Variants in HTR3B observed in about 807,000 individuals in gnomAD.
HTR3B encodes the protein 5-hydroxytryptamine receptor 3B, also known as 5-hydroxytryptamine (serotonin) receptor 3B, ionotropic.
In HTR3B, 44 loss-of-function variants were observed where a neutral mutation model predicts 42.8. The ratio of observed to expected loss-of-function variants is 1.03; its 90% confidence interval spans 0.81 to 1.32. The LOEUF is 1.32. HTR3B is among the 40% of genes most tolerant of loss of function. The pLI is 0.00. For synonymous variants in HTR3B, 203 were observed against 209.0 expected (o/e 0.97, Z 0.25); for missense variants, 527 against 536.5 (o/e 0.98, Z 0.17).
chr11:113,900,959 C>T (rs1253979607), upstream of HTR3B, among the ~76,000 whole-genome samples: 10 of 152,084 alleles, frequency 6.6e-5, no homozygotes, highest in Non-Finnish European at 4.4e-5. Context: ...AATCTGCCCC[C>T]ATGATCCAAT....
intron 2 of HTR3B, among the ~76,000 whole-genome samples, chr11:113,930,818 G>A (rs1380649403): frequency 6.6e-6 from 1 of 152,014 alleles, no homozygotes; most frequent in African/African-American, 2.4e-5. Flanking sequence ...CTGTTTTGGG[G>A]GGTCTTTTAA....
intron 2 of HTR3B, among the ~76,000 whole-genome samples, chr11:113,925,066 T>C (rs1296755095): frequency 6.6e-6 from 1 of 152,226 alleles, no homozygotes; most frequent in Non-Finnish European, 1.5e-5. Flanking sequence ...GCAGAGCCAC[T>C]GTGTAGTCTC....
At chr11:113,905,496 GT>G (rs1467228414) in intron 1 of HTR3B, among the ~76,000 whole-genome samples, 1 of 152,134 alleles carries the variant, frequency 6.6e-6, no homozygotes, top group Non-Finnish European at 1.5e-5. Context: ...ATCTATATAG[GT>G]GATGAGTATA....
chr11:113,941,823 T>G (rs1341160822), intron 6 of HTR3B, among the ~76,000 whole-genome samples: 1 of 152,156 alleles, frequency 6.6e-6, no homozygotes, highest in East Asian at 1.9e-4. Flanking sequence ...TCTCTTCAGG[T>G]CTGGTCACCA....
At position 113,913,803 on chromosome 11, in the gene HTR3B, C is replaced by T. The variant is rs565446283; in HGVS notation, c.213+4348C>T. On this transcript the variant is annotated intron_variant, in intron 2 of 8. Transcript: ENST00000260191. ...GTGCTGGATTACAGGAGTGAGCCAC[C>T]ACGCCCGGCCTCCAAAATTTCATCT... Among the ~76,000 whole-genome samples, 38 of 152,250 alleles carry T rather than the reference C, an allele frequency of 2.5e-4. No homozygotes were observed. The South Asian group carries it at 7.7e-3, about 31-fold the overall frequency.
At chr11:113,924,291 TA>T (rs1270215937) in intron 2 of HTR3B, among the ~76,000 whole-genome samples, 2 of 152,068 alleles carry the variant, frequency 1.3e-5, no homozygotes, top group Non-Finnish European at 2.9e-5. Context: ...GGGTGAGACA[TA>T]ATCTATTTCA....
At chr11:113,909,519 C>A in intron 2 of HTR3B, 64 bp downstream of exon 2, 1 of 1,364,510 alleles carries the variant, frequency 7.3e-7, no homozygotes, top group Non-Finnish European at 1.0e-6. Flanking sequence ...GCAGTTCATG[C>A]AGGAGCCTAT....
At position 113,913,350 on chromosome 11, in the gene HTR3B, A is replaced by ATTTTTTTTTTTTTTTT. The variant is rs71063533; in HGVS notation, c.213+3912_213+3927dup. Among the ~76,000 whole-genome samples, 64 of 61,528 alleles carry ATTTTTTTTTTTTTTTT rather than the reference A, an allele frequency of 1.0e-3. 1 individual carries two copies. Among genetic ancestry groups the ATTTTTTTTTTTTTTTT allele is most frequent in the African/African-American group, 1.2e-3 (17 of 13,944 alleles). 40.4% of individuals were successfully genotyped at this position (61,528 alleles called of 152,430 possible). On this transcript the variant is annotated intron_variant, in intron 2 of 8. Transcript: ENST00000260191. ...AGGTGCCTGCCACCATGTCTGGCTA[A>ATTTTTTTTTTTTTTTT]TTTTTTTTTTTTTTTTTTTTTTTTT...
intron 2 of HTR3B, among the ~76,000 whole-genome samples, chr11:113,931,123 A>G (rs1025308449): frequency 6.6e-6 from 1 of 152,212 alleles, no homozygotes; most frequent in African/African-American, 2.4e-5. Flanking sequence ...AGTGGGAAAG[A>G]GATTAGCAAA....
rs1269927592 is a variant in HTR3B, at chr11:113,932,275, T to C, written c.369-14T>C. The C allele has an allele frequency of 6.3e-7, 1 of 1,599,982 alleles. No homozygotes were observed. Among genetic ancestry groups the C allele is most frequent in the African/African-American group, 1.3e-5 (1 of 74,418 alleles). On this transcript the variant is annotated splice_polypyrimidine_tract_variant and intron_variant, in intron 4 of 8. Transcript: ENST00000260191. ...TCCTCTCTGTGACAACAAGTTCTCT[T>C]GTGTTTCATATAGTGTGGACATTGA...
At position 113,948,378 on chromosome 11, in the gene HTR3B, A is replaced by G. The variant is rs779615831; in HGVS notation, c.*2241A>G. ...TCCTTCCCAACTATGTCTTAGAGAA[A>G]GCACCAGTGTCAGAGTCAGGAGTCC... On this transcript the variant is annotated 3_prime_UTR_variant, in exon 9 of 9. Transcript: ENST00000260191. Among the ~76,000 whole-genome samples the G allele has an allele frequency of 1.3e-5, 2 of 152,168 alleles. No homozygotes were observed. The highest frequency in any genetic ancestry group is 2.4e-5 in the African/African-American group (1 of 41,434).
upstream of HTR3B, among the ~76,000 whole-genome samples, chr11:113,902,333 G>A (rs557604753): frequency 9.9e-5 from 15 of 151,910 alleles, no homozygotes; most frequent in South Asian, 3.1e-3. Context: ...GTCTCATTCT[G>A]TCGCCCAGGC....
upstream of HTR3B, among the ~76,000 whole-genome samples, chr11:113,900,362 C>T (rs1389928183): frequency 6.6e-6 from 1 of 152,194 alleles, no homozygotes; most frequent in Non-Finnish European, 1.5e-5. Context: ...CCCCCACACT[C>T]ATCCTTCCAA....
At chr11:113,934,452 A>G (rs1452052652) in intron 6 of HTR3B, among the ~76,000 whole-genome samples, 2 of 152,060 alleles carry the variant, frequency 1.3e-5, no homozygotes, top group African/African-American at 4.8e-5. Context: ...GAAAAAAGAA[A>G]GAAGGAAAGA....
At chr11:113,903,350 G>A (rs1486143410), upstream of HTR3B, among the ~76,000 whole-genome samples, 1 of 152,080 alleles carries the variant, frequency 6.6e-6, no homozygotes, top group Non-Finnish European at 1.5e-5. Context: ...AGGCTGCTAA[G>A]TGGACAGAGC....
upstream of HTR3B, among the ~76,000 whole-genome samples, chr11:113,900,033 G>A (rs934228909): frequency 2.6e-5 from 4 of 152,090 alleles, no homozygotes; most frequent in East Asian, 1.9e-4. Flanking sequence ...TTGGGAGGCC[G>A]AGGCAGGTGG....
At chr11:113,909,706 G>A (rs959376713) in intron 2 of HTR3B, among the ~76,000 whole-genome samples, 1 of 152,116 alleles carries the variant, frequency 6.6e-6, no homozygotes, top group East Asian at 1.9e-4. Context: ...TGTGAAGCTG[G>A]GTGTGGTGGC....
At chr11:113,940,926 C>T (rs1379920771) in intron 6 of HTR3B, among the ~76,000 whole-genome samples, 2 of 152,192 alleles carry the variant, frequency 1.3e-5, no homozygotes, top group Non-Finnish European at 2.9e-5. Context: ...AGAGTTGTAG[C>T]TATCTTGTCC....
Position 113,946,169 on chromosome 11 carries a change from CA to C in HTR3B, c.*33del. On this transcript the variant is annotated 3_prime_UTR_variant, in exon 9 of 9. Transcript: ENST00000260191. ...AAGTGTTCTTCAGTAATTGTGCTGG[CA>C]CTTAGGAGAGAGAGGAGGGGGAATA... 6.6e-7 allele frequency: 1 copy of C among 1,522,346 alleles called. No homozygotes were observed. Among genetic ancestry groups the C allele is most frequent in the Non-Finnish European group, 9.1e-7 (1 of 1,098,974 alleles). 94.3% of individuals were successfully genotyped at this position (1,522,346 alleles called of 1,614,324 possible). A position where few individuals can be genotyped will look rare whatever the true frequency, so the allele number is the denominator to read the frequency against.
Sources: allele counts gnomAD v4.1 joint callset (sites outside exome capture counted in the v4.1 genomes callset), GRCh38; gene constraint gnomAD v4.1.1; transcripts MANE v1.5; gene names NCBI Gene and HGNC (gene_info 2026-07-23, HGNC 2026-07-21).